Variants in NUP210L observed in about 807,000 individuals in gnomAD.
The protein encoded by NUP210L is nuclear pore membrane glycoprotein 210-like.
A neutral mutation model predicts 208.5 loss-of-function variants in NUP210L; 74 were observed. The ratio of observed to expected loss-of-function variants is 0.35; its 90% confidence interval spans 0.29 to 0.43. NUP210L has a LOEUF of 0.43. NUP210L is among the 20% of genes least tolerant of loss of function. The pLI is 1.00. For synonymous variants in NUP210L, 780 were observed against 816.9 expected, an observed-to-expected ratio of 0.95 and a Z score of 0.77; for missense variants, 1,843 against 2,289.4, an observed-to-expected ratio of 0.81 and a Z score of 3.98.
chr1:154,021,711 G>A (rs181772604), intron 32 of NUP210L, among the ~76,000 whole-genome samples: 3 of 152,128 alleles, frequency 2.0e-5, no homozygotes, highest in East Asian at 3.9e-4. Context: ...GGGAATGGAG[G>A]AGAAGACACA....
At chr1:154,020,418 A>G (rs1651486544) in intron 32 of NUP210L, among the ~76,000 whole-genome samples, 1 of 151,682 alleles carries the variant, frequency 6.6e-6, no homozygotes, top group African/African-American at 2.4e-5. Context: ...TAGTGCGATC[A>G]TAGCTTACTG....
chr1:153,999,734 CAAAAA>C (rs1172554188), intron 37 of NUP210L, among the ~76,000 whole-genome samples: 1 of 54,604 alleles, frequency 1.8e-5, no homozygotes, highest in Admixed American at 2.5e-4. Flanking sequence ...AAGACTCTCT[CAAAAA>C]AAAAAAAAAA....
intron 21 of NUP210L, 130 bp from the exon 22 acceptor site, chr1:154,058,346 G>A: frequency 9.1e-7 from 1 of 1,100,254 alleles, no homozygotes; most frequent in Non-Finnish European, 1.3e-6. Flanking sequence ...AATCAAATAA[G>A]CTTAATCTAT....
At chr1:154,055,219 CTCTT>C (rs778867875) in intron 23 of NUP210L, among the ~76,000 whole-genome samples, 129 of 142,168 alleles carry the variant, frequency 9.1e-4, no homozygotes, top group African/African-American at 1.1e-3. Flanking sequence ...CTCTCCCTCT[CTCTT>C]TCTTTCTTTC....
intron 32 of NUP210L, 143 bp from the exon 33 acceptor site, chr1:154,019,212 T>G: frequency 1.4e-6 from 1 of 734,536 alleles, no homozygotes; most frequent in Admixed American, 2.9e-5. Context: ...GATAACTGTT[T>G]TCTCAGTGTC....
At chr1:154,060,508 A>G (rs1654078376) in intron 20 of NUP210L, 32 bp downstream of exon 20, 1 of 1,360,070 alleles carries the variant, frequency 7.4e-7, no homozygotes, top group Non-Finnish European at 1.0e-6. Context: ...TTGGCCTGAG[A>G]CCATCAATCT....
chr1:154,057,490 C>A (rs1348234220), intron 22 of NUP210L, among the ~76,000 whole-genome samples: 1 of 152,024 alleles, frequency 6.6e-6, no homozygotes, highest in Non-Finnish European at 1.5e-5. Context: ...GGTAAAATTG[C>A]AAATACTAAA....
intron 16 of NUP210L, among the ~76,000 whole-genome samples, chr1:154,074,980 A>G (rs1654961249): frequency 6.6e-6 from 1 of 152,186 alleles, no homozygotes; most frequent in Non-Finnish European, 1.5e-5. Flanking sequence ...CAGATTATCT[A>G]CAATTTGGAG....
chr1:153,992,920 G>A, exon 40 of NUP210L: 1 of 1,611,714 alleles, frequency 6.2e-7, no homozygotes, highest in Non-Finnish European at 8.5e-7. Context: ...GGGAGAACTT[G>A]TGGAGTTAAA....
intron 15 of NUP210L, among the ~76,000 whole-genome samples, chr1:154,091,627 A>G (rs1571261962): frequency 6.6e-6 from 1 of 150,490 alleles, no homozygotes; most frequent in East Asian, 2.0e-4. Flanking sequence ...CAGCCTCCCA[A>G]GTAGCTGAGA....
intron 6 of NUP210L, among the ~76,000 whole-genome samples, chr1:154,136,604 C>T: frequency 6.6e-6 from 1 of 151,412 alleles, no homozygotes; most frequent in Admixed American, 6.6e-5. Context: ...GTTAATGGAG[C>T]CAATACATAC....
intron 34 of NUP210L, among the ~76,000 whole-genome samples, chr1:154,010,664 AG>A (rs1650853702): frequency 6.6e-6 from 1 of 152,076 alleles, no homozygotes; most frequent in Admixed American, 6.6e-5. Flanking sequence ...TGAGGTTGGG[AG>A]TTCGAGACCA....
chr1:154,053,477 C>A (rs147052160), intron 25 of NUP210L, among the ~76,000 whole-genome samples: 3 of 152,206 alleles, frequency 2.0e-5, no homozygotes, highest in African/African-American at 7.2e-5. Context: ...TGGCCATAAA[C>A]AAAATCTCTG....
Position 154,138,079 on chromosome 1 carries a change from C to T in NUP210L, c.850+27G>A, listed in dbSNP as rs775401190. On this transcript the variant is annotated intron_variant, in intron 6 of 39. Coordinates refer to ENST00000368559, the Ensembl canonical transcript of NUP210L. ...CAGAAAAGATTTGGGAAATGTGAGTCATAGGAGAAAAAATAAATCACCTTA... is the reference window on the plus strand; with the variant it reads ...CAGAAAAGATTTGGGAAATGTGAGTTATAGGAGAAAAAATAAATCACCTTA... 6 of 1,452,996 alleles carry T rather than the reference C, an allele frequency of 4.1e-6. No individual in the cohort carries two copies. In the Admixed American group the frequency reaches 1.4e-4, roughly 34 times the overall value. The allele number at this position is 1,452,996 out of a possible 1,614,324, so 90.0% of individuals were successfully genotyped here. A position where few individuals can be genotyped will look rare whatever the true frequency, so the allele number is the denominator to read the frequency against.
chr1:154,117,646 T>C, intron 12 of NUP210L, 79 bp downstream of exon 12: 1 of 1,159,366 alleles, frequency 8.6e-7, no homozygotes, highest in Non-Finnish European at 1.2e-6. Context: ...TGTTGGGCTC[T>C]TTTTTTAAAG....
intron 12 of NUP210L, among the ~76,000 whole-genome samples, chr1:154,110,104 G>A (rs979798174): frequency 3.3e-5 from 5 of 149,990 alleles, no homozygotes; most frequent in African/African-American, 5.0e-5. Context: ...GCATGGAAAC[G>A]TGCACCTGTA....
chr1:153,995,027 A>AG (rs1649744474), intron 38 of NUP210L, 49 bp downstream of exon 38: 1 of 1,209,532 alleles, frequency 8.3e-7, no homozygotes. Context: ...AAAAAAAAAA[A>AG]AGGCAGTTTT....
intron 5 of NUP210L, among the ~76,000 whole-genome samples, chr1:154,138,873 C>T (rs755844026): frequency 6.6e-6 from 1 of 152,110 alleles, no homozygotes; most frequent in Non-Finnish European, 1.5e-5. Flanking sequence ...CTAATATATA[C>T]TATCAATTAG....
rs778339189 is a variant in NUP210L at position 154,099,952 on chromosome 1, A to G, written c.1965+46T>C. ...AGTAAGCCCATAAGCAGACATAGTT[A>G]AGTCCATTAAAAGAAATGCCAGTTC... is the stretch of plus-strand genomic sequence containing the variant. On this transcript the variant is annotated intron_variant, in intron 14 of 39. Coordinates refer to ENST00000368559, the Ensembl canonical transcript of NUP210L. The G allele has an allele frequency of 4.4e-6, 7 of 1,586,398 alleles. No homozygotes were observed. The African/African-American group carries it at 8.1e-5, about 18-fold the overall frequency.
Sources: allele counts gnomAD v4.1 joint callset (sites outside exome capture counted in the v4.1 genomes callset), GRCh38; gene constraint gnomAD v4.1.1; transcripts MANE v1.5; gene names NCBI Gene and HGNC (gene_info 2026-07-23, HGNC 2026-07-21).